The following CTNNA3 variants were observed in gnomAD, a reference collection of about 807,000 sequenced individuals.
The protein encoded by CTNNA3 is catenin alpha 3, also known as catenin alpha-3.
In CTNNA3, 76 loss-of-function variants were observed where a neutral mutation model predicts 95.7. The ratio of observed to expected loss-of-function variants is 0.79; its 90% CI spans 0.66 to 0.96. The LOEUF is 0.96. Ranked by LOEUF, CTNNA3 falls within the 40% of genes least tolerant of loss-of-function variation. CTNNA3 has a pLI of 0.00. For missense variants in CTNNA3, 1,191 were observed against 1,089.8 expected (o/e 1.09, Z -1.31); for synonymous variants, 431 against 374.4 (o/e 1.15, Z -1.74).
chr10:67,725,421 C>T (rs1050298373), intron 1 of CTNNA3, among the ~76,000 whole-genome samples: 1 of 152,096 alleles, frequency 6.6e-6, no homozygotes, highest in South Asian at 2.1e-4. Context: ...TCGTGATTCG[C>T]CCACCTCGGC....
intron 12 of CTNNA3, among the ~76,000 whole-genome samples, chr10:66,346,244 T>TAGAGAGAG (rs1414198702): frequency 1.1e-4 from 1 of 9,038 alleles, no homozygotes; most frequent in African/African-American, 3.5e-4. Flanking sequence ...TATATATATA[T>TAGAGAGAG]ATAGAGAGAG....
chr10:66,058,984 GATGTTTC>G (rs1564609810), intron 15 of CTNNA3, among the ~76,000 whole-genome samples: 1 of 152,110 alleles, frequency 6.6e-6, no homozygotes. Context: ...TTCAAGTTGT[GATGTTTC>G]AGGGGCACCT....
chr10:67,064,870 T>C (rs536523355), intron 7 of CTNNA3, among the ~76,000 whole-genome samples: 10 of 152,288 alleles, frequency 6.6e-5, no homozygotes, highest in Admixed American at 5.9e-4. Flanking sequence ...TATATGTAAG[T>C]ATTTGCAGGT....
intron 1 of CTNNA3, among the ~76,000 whole-genome samples, chr10:67,679,654 C>G (rs1267971149): frequency 6.6e-6 from 1 of 152,122 alleles, no homozygotes; most frequent in Non-Finnish European, 1.5e-5. Context: ...ACTTAATTTT[C>G]TTCTCTTCCT....
intron 5 of CTNNA3, among the ~76,000 whole-genome samples, chr10:67,321,129 T>A (rs560473678): frequency 6.6e-6 from 1 of 152,206 alleles, no homozygotes; most frequent in African/African-American, 2.4e-5. Context: ...GATCTTATCA[T>A]GATATTGTTA....
chr10:67,219,924 CTT>C (rs1864573945), intron 5 of CTNNA3, 54 bp from the exon 6 acceptor site: 2 of 1,394,858 alleles, frequency 1.4e-6, no homozygotes, highest in Non-Finnish European at 1.9e-6. Flanking sequence ...GGGAGAAAGA[CTT>C]AAATTAAAAA....
chr10:66,471,578 C>G (rs1839134292), intron 11 of CTNNA3, among the ~76,000 whole-genome samples: 1 of 151,528 alleles, frequency 6.6e-6, no homozygotes, highest in Non-Finnish European at 1.5e-5. Flanking sequence ...TTAAATACAG[C>G]TTTTTATTTC....
intron 5 of CTNNA3, among the ~76,000 whole-genome samples, chr10:67,221,937 C>A (rs1368521786): frequency 2.6e-5 from 4 of 152,076 alleles, no homozygotes; most frequent in Non-Finnish European, 5.9e-5. Flanking sequence ...CTGATCATGA[C>A]AATAGTCTTT....
At chr10:67,648,374 C>T (rs1454379466) in intron 1 of CTNNA3, among the ~76,000 whole-genome samples, 1 of 152,044 alleles carries the variant, frequency 6.6e-6, no homozygotes, top group Non-Finnish European at 1.5e-5. Context: ...TAGATGAAAC[C>T]CACTGGCATC....
At chr10:66,840,484 A>AT (rs1843032572) in intron 7 of CTNNA3, among the ~76,000 whole-genome samples, 1 of 151,698 alleles carries the variant, frequency 6.6e-6, no homozygotes, top group Admixed American at 6.6e-5. Flanking sequence ...CATATCACCT[A>AT]TATTTTATTT....
intron 7 of CTNNA3, among the ~76,000 whole-genome samples, chr10:67,153,658 T>C (rs1462396508): frequency 6.6e-6 from 1 of 152,204 alleles, no homozygotes; most frequent in African/African-American, 2.4e-5. Context: ...AGTAGATTTC[T>C]ATATTTTATT....
At chr10:67,055,846 TGCC>T (rs1855396952) in intron 7 of CTNNA3, among the ~76,000 whole-genome samples, 1 of 152,152 alleles carries the variant, frequency 6.6e-6, no homozygotes, top group South Asian at 2.1e-4. Flanking sequence ...AATGATAAGT[TGCC>T]ACTGTAAATG....
chr10:66,199,695 G>C (rs1346337233), intron 13 of CTNNA3, among the ~76,000 whole-genome samples: 2 of 140,032 alleles, frequency 1.4e-5, no homozygotes, highest in Non-Finnish European at 3.0e-5. Context: ...TTCGCCTCCC[G>C]GGTTCAAGTG....
At chr10:65,996,661 C>T (rs1484368329) in intron 15 of CTNNA3, among the ~76,000 whole-genome samples, 7 of 152,118 alleles carry the variant, frequency 4.6e-5, no homozygotes, top group Non-Finnish European at 1.0e-4. Flanking sequence ...GCCTTATGGT[C>T]TGCAGGGGTC....
intron 13 of CTNNA3, among the ~76,000 whole-genome samples, chr10:66,274,609 A>T (rs10997030): frequency 0.12 from 17,909 of 152,208 alleles, 1,112 homozygotes; most frequent in Middle Eastern, 0.17. Context: ...GTATGATTTT[A>T]TCTATTTAAA....
At chr10:67,440,532 C>G (rs1292587953) in intron 5 of CTNNA3, among the ~76,000 whole-genome samples, 1 of 151,940 alleles carries the variant, frequency 6.6e-6, no homozygotes, top group African/African-American at 2.4e-5. Context: ...TTGGTGAGAC[C>G]CAGTGCTGTC....
intron 13 of CTNNA3, among the ~76,000 whole-genome samples, chr10:66,245,507 G>T (rs1167930290): frequency 6.6e-6 from 1 of 152,160 alleles, no homozygotes; most frequent in Non-Finnish European, 1.5e-5. Flanking sequence ...AAATGAGGTA[G>T]GCAGACAAGT....
At chr10:66,455,647 T>C (rs1479221676) in intron 11 of CTNNA3, among the ~76,000 whole-genome samples, 2 of 152,144 alleles carry the variant, frequency 1.3e-5, no homozygotes, top group Non-Finnish European at 2.9e-5. Context: ...TAATTAAAAG[T>C]GGGTATAAAT....
chr10:66,737,267 G>T (rs539677418), intron 9 of CTNNA3, among the ~76,000 whole-genome samples: 96 of 152,142 alleles, frequency 6.3e-4, no homozygotes, highest in Non-Finnish European at 1.3e-3. Context: ...CTGTTTAATG[G>T]CCAAACTTTT....
Sources: gnomAD v4.1 joint callset for allele counts (sites outside exome capture counted in the v4.1 genomes callset) on GRCh38, gnomAD v4.1.1 for gene constraint, MANE v1.5 for transcripts, NCBI Gene and HGNC (gene_info 2026-07-23, HGNC 2026-07-21) for gene names.